Variants in MYRF observed in about 807,000 individuals in gnomAD.
MYRF encodes myelin gene regulatory factor.
MYRF carries 16 observed loss-of-function variants against 126.3 expected under a neutral mutation model. That is an observed-to-expected ratio of 0.13 (90% CI 0.09 to 0.19). The LOEUF (loss-of-function observed/expected upper bound fraction) is 0.19, where lower values mean the gene tolerates loss of function less well. MYRF is among the 10% of genes least tolerant of loss of function. MYRF has a pLI of 1.00. For synonymous variants in MYRF, 608 were observed against 635.3 expected, an observed-to-expected ratio of 0.96 and a Z score of 0.65; for missense variants, 1,104 against 1,547.0, an observed-to-expected ratio of 0.71 and a Z score of 4.80.
Position 61,784,335 on chromosome 11 carries a change from T to C in MYRF, c.3250T>C (p.Cys1084Arg). ...CAGCCTGAGGTCAAAGGAGGAACCA[T>C]GTGAGGAGGGGAGCCTTCCACAGAG... Reference protein sequence around the residue: ...LCSLRSKEEPCEEGSLPQSLH... With the variant: ...LCSLRSKEEPREEGSLPQSLH... The change falls in exon 25 of 27, where the codon TGT (cysteine) becomes CGT (arginine). Residue 1084 changes from cysteine to arginine, a missense_variant. Cys to Arg is a radical substitution (Grantham distance 180). Around this residue, in one of 10 missense-constraint regions of MYRF, gnomAD observed 94 missense variants for 164.6 expected, o/e 0.57. Coordinates refer to ENST00000278836, the MANE Select transcript of MYRF (RefSeq NM_001127392.3). 6.2e-7 allele frequency: 1 copy of C among 1,613,492 alleles called. No homozygotes were observed. Among genetic ancestry groups the C allele is most frequent in the Non-Finnish European group, 8.5e-7 (1 of 1,179,832 alleles).
At chr11:61,762,643 C>G (rs1220738200) in intron 1 of MYRF, among the ~76,000 whole-genome samples, 1 of 152,206 alleles carries the variant, frequency 6.6e-6, no homozygotes. Flanking sequence ...CCACCCTTGT[C>G]TTGTCCACCT....
intron 25 of MYRF, chr11:61,784,710 C>A: frequency 3.7e-6 from 1 of 267,728 alleles, no homozygotes. Flanking sequence ...GGCTGTGGCT[C>A]ACTGGAGGTG....
chr11:61,762,561 C>T (rs1008410399), intron 1 of MYRF, among the ~76,000 whole-genome samples: 1 of 152,156 alleles, frequency 6.6e-6, no homozygotes, highest in Non-Finnish European at 1.5e-5. Context: ...AGGGGCGCTC[C>T]CGAGAGTGTG....
intron 3 of MYRF, chr11:61,767,267 G>A (rs2066090908): frequency 2.2e-6 from 1 of 456,632 alleles, no homozygotes; most frequent in African/African-American, 2.0e-5. Context: ...GGGGGCAGAG[G>A]GAGGAGAACT....
chr11:61,758,564 G>C (rs886768378), intron 1 of MYRF, among the ~76,000 whole-genome samples: 13 of 152,208 alleles, frequency 8.5e-5, no homozygotes, highest in Admixed American at 4.6e-4. Flanking sequence ...GTGACGCTGT[G>C]CCTGTGGGCC....
chr11:61,759,681 T>TA (rs1483367273), intron 1 of MYRF, among the ~76,000 whole-genome samples: 31 of 146,386 alleles, frequency 2.1e-4, no homozygotes, highest in African/African-American at 4.0e-4. Context: ...AAAAGAAAGG[T>TA]AAAAAAAAAA....
At chr11:61,759,600 G>A (rs191434138) in intron 1 of MYRF, among the ~76,000 whole-genome samples, 1 of 152,230 alleles carries the variant, frequency 6.6e-6, no homozygotes, top group African/African-American at 2.4e-5. Flanking sequence ...AACTCAGGAG[G>A]CGGAAGTTGC....
chr11:61,771,805 C>T, intron 6 of MYRF, 24 bp from the exon 7 acceptor site: 1 of 1,613,970 alleles, frequency 6.2e-7, no homozygotes, highest in Non-Finnish European at 8.5e-7. Context: ...GTGCAGGGCC[C>T]ACATGGGCGT....
In MYRF at chr11:61,770,345, G is replaced by GGCCCCCC; in HGVS notation, c.560_561insGCCCCCC (p.Pro192AlafsTer38). 1.3e-6 allele frequency: 2 copies of GGCCCCCC among 1,504,816 alleles called. No homozygotes were observed. Among genetic ancestry groups the GGCCCCCC allele is most frequent in the Non-Finnish European group, 1.8e-6 (2 of 1,109,478 alleles). 93.2% of individuals were successfully genotyped at this position (1,504,816 alleles called of 1,614,324 possible). On this transcript the variant is annotated frameshift_variant, in exon 5 of 27. Coordinates refer to ENST00000278836, the MANE Select transcript of MYRF (RefSeq NM_001127392.3). LOFTEE classifies it high-confidence loss of function. ...CCCCCACCTCCAGCCCACTTGCCAG[G>GGCCCCCC]CCCCCCGCCACCCCCACCACCCCCA...
rs374378525 is a variant in MYRF at position 61,776,158 on chromosome 11, G to A, written c.1388+26G>A. On this transcript the variant is annotated intron_variant, in intron 9 of 26. Transcript: ENST00000278836. This position sits in a 1 kb window ranked among gnomAD's most constrained non-coding sequence, Gnocchi z 4.3. ...GTGAGTGTCTGACCCTGTTGGGGGT[G>A]GTACCTAGAAGGGTCCACAACTAAA... 1 of 1,612,958 alleles carries A rather than the reference G, an allele frequency of 6.2e-7. No individual in the cohort carries two copies. Among genetic ancestry groups the A allele is most frequent in the Non-Finnish European group, 8.5e-7 (1 of 1,178,992 alleles).
At chr11:61,779,034 C>A in intron 14 of MYRF, 1 of 661,014 alleles carries the variant, frequency 1.5e-6, no homozygotes, top group South Asian at 1.6e-5. Context: ...GTGGGACAGC[C>A]CAGGTGAAGG....
At position 61,781,122 on chromosome 11, in the gene MYRF, C is replaced by T. The variant is rs1445317508; in HGVS notation, c.2573-16C>T. On this transcript the variant is annotated splice_polypyrimidine_tract_variant and intron_variant, in intron 20 of 26. Transcript: ENST00000278836. ...TTTGGGGCTTCTCTGGCTCATACAGCCTCTGGCCTCCTCAGTGACCACCAG... is the reference window on the plus strand; with the variant it reads ...TTTGGGGCTTCTCTGGCTCATACAGTCTCTGGCCTCCTCAGTGACCACCAG... 2 of 1,612,666 alleles carry T rather than the reference C, an allele frequency of 1.2e-6. No individual in the cohort carries two copies. Among genetic ancestry groups the T allele is most frequent in the Non-Finnish European group, 1.7e-6 (2 of 1,179,874 alleles).
In MYRF at chr11:61,779,859, G is replaced by A. The variant is rs767470972; in HGVS notation, c.2265G>A (p.Pro755=). 13 of 1,613,866 alleles carry A rather than the reference G, an allele frequency of 8.1e-6. No homozygotes were observed. In the East Asian group the frequency reaches 1.3e-4, roughly 17 times the overall value. The change falls in exon 17 of 27, where the codon CCG becomes CCA. Residue 755 remains proline (P), a synonymous_variant. Transcript: ENST00000278836. ...KVASKSSSVV[P]DQACISQRFL... is the part of the protein sequence containing the mutation. ...GTCCTCAGTCATCGTCCGTGGTTCC[G>A]GACCAGGCCTGCATCAGCCAGCGCT...
chr11:61,753,475 T>G (rs1421097861), intron 1 of MYRF, among the ~76,000 whole-genome samples: 1 of 152,098 alleles, frequency 6.6e-6, no homozygotes, highest in Non-Finnish European at 1.5e-5. Context: ...CATGCTCTCC[T>G]GGGGCTGGAA....
intron 1 of MYRF, chr11:61,755,539 C>G (rs776034949): frequency 1.4e-6 from 2 of 1,432,228 alleles, no homozygotes; most frequent in Non-Finnish European, 1.9e-6. Context: ...CCTCAGAGTT[C>G]TGGTGCAGGC....
chr11:61,772,061 C>T, intron 7 of MYRF, 109 bp downstream of exon 7: 2 of 1,469,346 alleles, frequency 1.4e-6, no homozygotes, highest in Non-Finnish European at 1.8e-6. Flanking sequence ...ACTCATTTCA[C>T]AGAAGAGCAA....
chr11:61,766,927 C>T (rs186718408), intron 3 of MYRF: 38 of 443,634 alleles, frequency 8.6e-5, no homozygotes, highest in South Asian at 6.0e-4. Context: ...ACACTAGGTG[C>T]ATGAACTCTG....
intron 1 of MYRF, among the ~76,000 whole-genome samples, chr11:61,761,252 C>T (rs1441812060): frequency 9.2e-6 from 1 of 108,304 alleles, no homozygotes; most frequent in Admixed American, 1.1e-4. Context: ...CCAACGGCCA[C>T]AGCTGGTGGG....
In MYRF at chr11:61,780,267, G is replaced by A. The variant is rs1375734367; in HGVS notation, c.2382G>A (p.Glu794=). The change falls in exon 18 of 27, where the codon GAG becomes GAA. Residue 794 remains glutamate (E), a synonymous_variant. Transcript: ENST00000278836. ...TGTACGTGCTGAGCCTGCGCACAGAGGAGGACCTGGTAGACACTGATGGGT... is the reference window on the plus strand; with the variant it reads ...TGTACGTGCTGAGCCTGCGCACAGAAGAGGACCTGGTAGACACTGATGGGT... ...STLYVLSLRT[E]EDLVDTDGSF... The A allele has an allele frequency of 6.2e-7, 1 of 1,613,724 alleles. No individual in the cohort carries two copies. The highest frequency in any genetic ancestry group is 2.2e-5 in the East Asian group (1 of 44,900).
Sources: allele counts gnomAD v4.1 joint callset (sites outside exome capture counted in the v4.1 genomes callset), GRCh38; gene constraint gnomAD v4.1.1; regional missense constraint gnomAD v4.1.1; non-coding constraint Gnocchi (gnomAD v3.1); transcripts MANE v1.5; gene names NCBI Gene and HGNC (gene_info 2026-07-23, HGNC 2026-07-21).